FSTL5: variants seen among roughly 807,000 people sequenced by gnomAD.
FSTL5 encodes follistatin-related protein 5.
A neutral mutation model predicts 89.1 loss-of-function variants in FSTL5; 62 were observed. The ratio of observed to expected loss-of-function variants is 0.70; its 90% CI spans 0.57 to 0.86. The LOEUF (loss-of-function observed/expected upper bound fraction) is 0.86, where lower values mean the gene tolerates loss of function less well. Ranked by LOEUF, FSTL5 falls within the 40% of genes least tolerant of loss-of-function variation. The pLI, the probability that FSTL5 is intolerant of heterozygous loss-of-function variation, is 0.00. For synonymous variants in FSTL5, 383 were observed against 346.2 expected, an observed-to-expected ratio of 1.11 and a Z score of -1.18; for missense variants, 1,057 against 1,001.6, an observed-to-expected ratio of 1.06 and a Z score of -0.75.
intron 4 of FSTL5, among the ~76,000 whole-genome samples, chr4:161,832,860 T>A (rs941094158): frequency 2.7e-5 from 4 of 150,150 alleles, no homozygotes; most frequent in Non-Finnish European, 5.9e-5. Flanking sequence ...TTTTGAAGGG[T>A]TTTTTGTGTC....
At chr4:162,094,428 C>T (rs780386607) in intron 2 of FSTL5, among the ~76,000 whole-genome samples, 5 of 152,030 alleles carry the variant, frequency 3.3e-5, no homozygotes, top group Admixed American at 6.6e-5. Context: ...AAGGCATACA[C>T]GAGAATTTCA....
intron 7 of FSTL5, among the ~76,000 whole-genome samples, chr4:161,611,550 T>C (rs1734653015): frequency 6.6e-6 from 1 of 152,042 alleles, no homozygotes; most frequent in Admixed American, 6.6e-5. Flanking sequence ...TATAATATAA[T>C]ACCTATTTGG....
intron 6 of FSTL5, among the ~76,000 whole-genome samples, chr4:161,677,639 CGAAA>C (rs1284845656): frequency 1.3e-5 from 2 of 151,878 alleles, no homozygotes; most frequent in African/African-American, 4.8e-5. Flanking sequence ...GTGTGAGAAC[CGAAA>C]GAGTGTTCCT....
intron 6 of FSTL5, among the ~76,000 whole-genome samples, chr4:161,700,634 C>T (rs1738357002): frequency 6.6e-6 from 1 of 151,988 alleles, no homozygotes; most frequent in African/African-American, 2.4e-5. Flanking sequence ...GCCTGGGCCT[C>T]CCAAAGTGCT....
intron 7 of FSTL5, among the ~76,000 whole-genome samples, chr4:161,645,345 T>C (rs2126672427): frequency 6.6e-6 from 1 of 151,862 alleles, no homozygotes; most frequent in East Asian, 1.9e-4. Context: ...AACTTAAAAT[T>C]ACCAGTTACA....
At chr4:161,676,331 G>A (rs1165590410) in intron 6 of FSTL5, among the ~76,000 whole-genome samples, 2 of 151,978 alleles carry the variant, frequency 1.3e-5, no homozygotes, top group African/African-American at 4.8e-5. Context: ...TCAAAAAAAA[G>A]GATGAGTTTA....
At chr4:162,102,317 T>G (rs965996256) in intron 2 of FSTL5, among the ~76,000 whole-genome samples, 1 of 151,894 alleles carries the variant, frequency 6.6e-6, no homozygotes, top group East Asian at 1.9e-4. Flanking sequence ...ATGTAGTTTT[T>G]CAACTATTGA....
Position 161,601,019 on chromosome 4 carries a change from A to C in FSTL5, c.895-13444T>G, listed in dbSNP as rs1165505246. ...CTAGGGCATTGGAAGAAAACAAGGAACCATACAAGTAAGTACAAAAAAAAT... is the reference window on the plus strand; with the variant it reads ...CTAGGGCATTGGAAGAAAACAAGGACCCATACAAGTAAGTACAAAAAAAAT... On this transcript the variant is annotated intron_variant, in intron 7 of 15. Transcript: ENST00000306100. Among the ~76,000 whole-genome samples the C allele has an allele frequency of 3.3e-5, 5 of 152,256 alleles. No homozygotes were observed. In the East Asian group the frequency reaches 9.7e-4, roughly 29 times the overall value.
intron 4 of FSTL5, among the ~76,000 whole-genome samples, chr4:161,900,374 T>A (rs1733313033): frequency 6.6e-6 from 1 of 151,688 alleles, no homozygotes; most frequent in African/African-American, 2.4e-5. Flanking sequence ...GAACAGAAAC[T>A]TGTTAATAAG....
At chr4:162,104,745 C>T (rs1055150121) in intron 2 of FSTL5, among the ~76,000 whole-genome samples, 3 of 152,176 alleles carry the variant, frequency 2.0e-5, no homozygotes, top group Non-Finnish European at 4.4e-5. Flanking sequence ...ACTCATGAAA[C>T]TATGTGTGAC....
In FSTL5 at chr4:161,986,014, A is replaced by C. The variant is rs572194014; in HGVS notation, c.160+47611T>G. On this transcript the variant is annotated intron_variant, in intron 3 of 15. Transcript: ENST00000306100. ...TAAAGCTTTTATACACTATATAAAA[A>C]TTCCATGTAGACATACATGGAATGA... Among the ~76,000 whole-genome samples the C allele has an allele frequency of 3.3e-5, 5 of 152,250 alleles. No individual in the cohort carries two copies. The South Asian group carries it at 8.3e-4, about 25-fold the overall frequency.
chr4:161,993,696 C>T (rs922510557), intron 3 of FSTL5, among the ~76,000 whole-genome samples: 5 of 151,802 alleles, frequency 3.3e-5, no homozygotes, highest in African/African-American at 1.2e-4. Context: ...ATTAAAGGTA[C>T]GTTTCTAGCA....
intron 4 of FSTL5, among the ~76,000 whole-genome samples, chr4:161,910,090 A>C (rs1339821109): frequency 6.6e-6 from 1 of 152,066 alleles, no homozygotes; most frequent in Non-Finnish European, 1.5e-5. Flanking sequence ...CATTTCTCAA[A>C]TCCTCATCAT....
In FSTL5 at chr4:161,522,232, A is replaced by G. The variant is rs185503349; in HGVS notation, c.1313-11808T>C. 2.4e-3 allele frequency among the ~76,000 whole-genome samples: 358 copies of G among 152,308 alleles called. 1 individual carries two copies. The highest frequency in any genetic ancestry group is 3.7e-3 in the Non-Finnish European group (250 of 68,028). ...AAAGAGAATGGGGTCAAAGATGCTC[A>G]GCAGAGAAGTGACAGAGACAGCAAG... On this transcript the variant is annotated intron_variant, in intron 10 of 15. Coordinates refer to ENST00000306100, the MANE Select transcript of FSTL5 (RefSeq NM_020116.5).
intron 6 of FSTL5, among the ~76,000 whole-genome samples, chr4:161,752,716 G>A (rs1371144726): frequency 2.6e-5 from 4 of 152,104 alleles, no homozygotes; most frequent in African/African-American, 9.7e-5. Flanking sequence ...TTCTGGTATG[G>A]ACTGAATTGT....
At chr4:162,121,353 A>T (rs924104485) in intron 1 of FSTL5, among the ~76,000 whole-genome samples, 29 of 152,028 alleles carry the variant, frequency 1.9e-4, no homozygotes, top group Non-Finnish European at 3.4e-4. Flanking sequence ...GCAATACAAC[A>T]TATAGTGACT....
At position 161,385,124 on chromosome 4, in the gene FSTL5, T is replaced by C. The variant is rs1730568829; in HGVS notation, c.*623A>G. 1 of 152,710 alleles carries C rather than the reference T, an allele frequency of 6.5e-6. No individual in the cohort carries two copies. The allele number at this position is 152,710 out of a possible 1,614,324, so 9.5% of individuals were successfully genotyped here. A position where few individuals can be genotyped will look rare whatever the true frequency, so the allele number is the denominator to read the frequency against. Reference sequence around the variant, plus strand: ...ACCTGTATACAACCTAAGACCAACTTATGCCTTCAATTGGTAGTTCATTGA... The same window carrying C: ...ACCTGTATACAACCTAAGACCAACTCATGCCTTCAATTGGTAGTTCATTGA... On this transcript the variant is annotated 3_prime_UTR_variant, in exon 16 of 16. Coordinates refer to ENST00000306100, the MANE Select transcript of FSTL5 (RefSeq NM_020116.5).
At chr4:161,455,841 A>G (rs2126402696) in intron 14 of FSTL5, among the ~76,000 whole-genome samples, 1 of 152,218 alleles carries the variant, frequency 6.6e-6, no homozygotes, top group Admixed American at 6.5e-5. Flanking sequence ...GTAGCCTTCT[A>G]AAGGGCCTTT....
chr4:162,104,628 G>A (rs1328374098), intron 2 of FSTL5, among the ~76,000 whole-genome samples: 2 of 152,154 alleles, frequency 1.3e-5, no homozygotes, highest in East Asian at 3.9e-4. Context: ...TGTGGAAACT[G>A]GGCTTAACAA....
Sources: allele counts gnomAD v4.1 joint callset (sites outside exome capture counted in the v4.1 genomes callset), GRCh38; gene constraint gnomAD v4.1.1; transcripts MANE v1.5; gene names NCBI Gene and HGNC (gene_info 2026-07-23, HGNC 2026-07-21).